Variants in LRP2 observed in about 807,000 individuals in gnomAD.
The protein encoded by LRP2 is LDL receptor related protein 2, also known as low-density lipoprotein receptor-related protein 2.
LRP2 carries 172 observed loss-of-function variants against 531.0 expected under a neutral mutation model. The ratio of observed to expected loss-of-function variants is 0.32; its 90% CI spans 0.29 to 0.37. The LOEUF (loss-of-function observed/expected upper bound fraction) is 0.37. Among genes scored for constraint, LRP2 ranks in the 10% least tolerant of loss-of-function variants. LRP2 has a pLI of 1.00. For synonymous variants in LRP2, 1,992 were observed against 2,027.6 expected, an observed-to-expected ratio of 0.98 and a Z score of 0.47; for missense variants, 5,167 against 5,868.3, an observed-to-expected ratio of 0.88 and a Z score of 3.90.
At chr2:169,186,686 C>G (rs576060631) in intron 49 of LRP2, among the ~76,000 whole-genome samples, 16 of 152,310 alleles carry the variant, frequency 1.1e-4, no homozygotes, top group African/African-American at 3.4e-4. Flanking sequence ...CATCTATGGG[C>G]TACAGTCTTA....
At chr2:169,149,587 A>G (rs12692892) in intron 68 of LRP2, among the ~76,000 whole-genome samples, 72,275 of 151,948 alleles carry the variant, frequency 0.48, 17,762 homozygotes, top group Admixed American at 0.6. Flanking sequence ...CTGTAATCCC[A>G]GCACACTGGG....
chr2:169,202,528 A>T (rs1239690652), intron 43 of LRP2, among the ~76,000 whole-genome samples: 4 of 152,202 alleles, frequency 2.6e-5, no homozygotes, highest in Admixed American at 2.6e-4. Context: ...CCAGGTCTAT[A>T]CAGATTACAA....
intron 76 of LRP2, among the ~76,000 whole-genome samples, chr2:169,134,519 T>G (rs1216795615): frequency 6.6e-6 from 1 of 152,170 alleles, no homozygotes; most frequent in African/African-American, 2.4e-5. Flanking sequence ...CTGAACACAC[T>G]TGGTTTACTG....
chr2:169,339,200 T>C (rs1685499088), intron 1 of LRP2, among the ~76,000 whole-genome samples: 1 of 152,058 alleles, frequency 6.6e-6, no homozygotes, highest in Non-Finnish European at 1.5e-5. Flanking sequence ...AGTTTGAAAA[T>C]CTATTAAAAT....
At chr2:169,222,498 C>T (rs570028816) in intron 33 of LRP2, among the ~76,000 whole-genome samples, 3 of 152,226 alleles carry the variant, frequency 2.0e-5, no homozygotes, top group South Asian at 4.1e-4. Flanking sequence ...CTTTTCCCTA[C>T]GTCTTCATTT....
intron 1 of LRP2, among the ~76,000 whole-genome samples, chr2:169,345,910 A>G (rs1487251886): frequency 2.0e-5 from 3 of 152,204 alleles, no homozygotes; most frequent in Non-Finnish European, 2.9e-5. Flanking sequence ...TGATCCACCA[A>G]TGTGCCCATA....
chr2:169,176,646 A>C, intron 53 of LRP2, 58 bp from the exon 54 acceptor site: 1 of 1,437,766 alleles, frequency 7.0e-7, no homozygotes, highest in Non-Finnish European at 9.8e-7. Context: ...TCAAGCACAG[A>C]TTAGCTGATT....
intron 29 of LRP2, among the ~76,000 whole-genome samples, chr2:169,234,597 G>A (rs1223906017): frequency 6.6e-6 from 1 of 152,130 alleles, no homozygotes; most frequent in African/African-American, 2.4e-5. Flanking sequence ...GAGTGCATGT[G>A]TCTTTATAGT....
Position 169,244,839 on chromosome 2 carries a change from C to A in LRP2, c.3284G>T (p.Gly1095Val). The A allele has an allele frequency of 6.2e-7, 1 of 1,614,228 alleles. No homozygotes were observed. Among genetic ancestry groups the A allele is most frequent in the Non-Finnish European group, 8.5e-7 (1 of 1,180,044 alleles). Reference sequence around the variant, plus strand: ...GGTGGGGCAGTTGTGCTCATCACTGCCATCCACACAGTCGTTGCGTTTGTC... The same window carrying A: ...GGTGGGGCAGTTGTGCTCATCACTGACATCCACACAGTCGTTGCGTTTGTC... ...RCDKRNDCVD[G>V]SDEHNCPTHA... The change falls in exon 22 of 79, where the codon GGC (glycine) becomes GTC (valine). Residue 1095 changes from glycine to valine, a missense_variant. Gly to Val is a moderately radical substitution (Grantham distance 109, BLOSUM62 -3). Around this residue, in one of 6 missense-constraint regions of LRP2, gnomAD observed 2,811 missense variants for 3,058.0 expected, o/e 0.92. Coordinates refer to ENST00000649046, the MANE Select transcript of LRP2 (RefSeq NM_004525.3).
In LRP2 at chr2:169,303,735, T is replaced by C. The variant is rs569234299; in HGVS notation, c.427+3546A>G. ...GAAACTTAGCTATAAATAAACAAGG[T>C]AGAGGGAAATAGGAAAGAATGCCTC... On this transcript the variant is annotated intron_variant, in intron 4 of 78. Coordinates refer to ENST00000649046, the MANE Select transcript of LRP2 (RefSeq NM_004525.3). Among the ~76,000 whole-genome samples the C allele has an allele frequency of 1.1e-4, 17 of 152,130 alleles. 2 individuals carry two copies. In the South Asian group the frequency reaches 3.3e-3, roughly 30 times the overall value.
intron 26 of LRP2, among the ~76,000 whole-genome samples, chr2:169,239,305 T>G (rs1270613781): frequency 1.3e-5 from 2 of 152,146 alleles, no homozygotes; most frequent in Admixed American, 6.5e-5. Context: ...ATCATTGACT[T>G]GTATATGTTT....
At chr2:169,200,046 C>A (rs1049013366) in intron 44 of LRP2, among the ~76,000 whole-genome samples, 9 of 152,006 alleles carry the variant, frequency 5.9e-5, no homozygotes, top group Non-Finnish European at 1.3e-4. Flanking sequence ...GTCAGGAGAT[C>A]GAGACCATCC....
At chr2:169,261,589 G>A (rs1690556039) in intron 16 of LRP2, among the ~76,000 whole-genome samples, 1 of 151,548 alleles carries the variant, frequency 6.6e-6, no homozygotes, top group South Asian at 2.1e-4. Context: ...CACTGACTAT[G>A]AGGAATATTT....
intron 1 of LRP2, among the ~76,000 whole-genome samples, chr2:169,338,565 A>G (rs1685484789): frequency 6.6e-6 from 1 of 152,188 alleles, no homozygotes; most frequent in Non-Finnish European, 1.5e-5. Context: ...GATTAACTCA[A>G]GAAGTTTCAA....
At chr2:169,185,306 A>C (rs1687595541) in intron 50 of LRP2, among the ~76,000 whole-genome samples, 197 bp downstream of exon 50, 1 of 152,202 alleles carries the variant, frequency 6.6e-6, no homozygotes. Flanking sequence ...TGATACTATA[A>C]ATTTTTAAAA....
chr2:169,223,984 G>T (rs1574151096), intron 33 of LRP2, among the ~76,000 whole-genome samples: 1 of 152,062 alleles, frequency 6.6e-6, no homozygotes. Flanking sequence ...TTCTTCATTT[G>T]GCAGAAATAA....
chr2:169,209,371 C>G lies in LRP2; in HGVS notation c.6469+82G>C. On this transcript the variant is annotated intron_variant, in intron 38 of 78. Coordinates refer to ENST00000649046, the MANE Select transcript of LRP2 (RefSeq NM_004525.3). ...TGTCTAGAAAAACAAACCTGTAGCA[C>G]ATGGAGTTAGGCTAAACTTTCTAGC... 9.5e-6 allele frequency: 13 copies of G among 1,370,878 alleles called. No homozygotes were observed. The South Asian group carries it at 1.5e-4, about 16-fold the overall frequency. 84.9% of individuals were successfully genotyped at this position (1,370,878 alleles called of 1,614,324 possible).
At chr2:169,238,354 A>C (rs777104284) in intron 26 of LRP2, 52 bp from the exon 27 acceptor site, 3 of 1,239,482 alleles carry the variant, frequency 2.4e-6, no homozygotes, top group Admixed American at 1.8e-5. Flanking sequence ...GAAAACACAA[A>C]ACAACTCTTT....
chr2:169,221,637 TTC>T (rs1387392817), intron 33 of LRP2, among the ~76,000 whole-genome samples: 1 of 152,226 alleles, frequency 6.6e-6, no homozygotes, highest in Non-Finnish European at 1.5e-5. Context: ...TTATTTGTGT[TTC>T]TCTGTCTCTC....
Sources: allele counts gnomAD v4.1 joint callset (sites outside exome capture counted in the v4.1 genomes callset), GRCh38; gene constraint gnomAD v4.1.1; regional missense constraint gnomAD v4.1.1; transcripts MANE v1.5; gene names NCBI Gene and HGNC (gene_info 2026-07-23, HGNC 2026-07-21).